CUBN: variants seen among roughly 807,000 people sequenced by gnomAD.
CUBN encodes 460 kDa receptor.
Under a neutral mutation model 405.3 loss-of-function variants are expected in CUBN, and 282 were observed. The ratio of observed to expected loss-of-function variants is 0.70; its 90% CI spans 0.63 to 0.77. The LOEUF (loss-of-function observed/expected upper bound fraction) is 0.77. CUBN is among the 30% of genes least tolerant of loss of function. The pLI is 0.00. For synonymous variants in CUBN, 1,684 were observed against 1,617.0 expected (o/e 1.04, Z -0.99); for missense variants, 4,514 against 4,475.2 (o/e 1.01, Z -0.25).
At chr10:16,884,696 T>C (rs1327353029) in intron 56 of CUBN, among the ~76,000 whole-genome samples, 1 of 152,206 alleles carries the variant, frequency 6.6e-6, no homozygotes, top group East Asian at 1.9e-4. Flanking sequence ...TTCAACAATC[T>C]GTATTTTTCC....
chr10:17,009,312 T>A (rs1834112895), intron 28 of CUBN, among the ~76,000 whole-genome samples: 1 of 152,172 alleles, frequency 6.6e-6, no homozygotes, highest in Admixed American at 6.5e-5. Flanking sequence ...TTTGAAATAG[T>A]AAACAGGAAA....
intron 48 of CUBN, among the ~76,000 whole-genome samples, chr10:16,908,532 A>G (rs775783851): frequency 2.6e-5 from 4 of 152,232 alleles, no homozygotes; most frequent in Non-Finnish European, 4.4e-5. Context: ...CTCATTAGTT[A>G]TGGATTCAAA....
chr10:17,072,083 A>G (rs1257961029), intron 17 of CUBN, 112 bp from the exon 18 acceptor site: 3 of 811,764 alleles, frequency 3.7e-6, no homozygotes, highest in African/African-American at 3.4e-5. Flanking sequence ...TGATAATCCA[A>G]TTTGAGTTAC....
chr10:17,108,703 A>C (rs1836696661), intron 10 of CUBN, among the ~76,000 whole-genome samples: 1 of 152,166 alleles, frequency 6.6e-6, no homozygotes, highest in Non-Finnish European at 1.5e-5. Context: ...CATGACTGTG[A>C]AGGGAGAAAT....
chr10:17,084,496 A>T (rs1352054085), intron 16 of CUBN, 35 bp from the exon 17 acceptor site: 1 of 1,590,574 alleles, frequency 6.3e-7, no homozygotes, highest in East Asian at 2.2e-5. Context: ...GGTCATGGCA[A>T]TGGCATTGCT....
chr10:17,056,663 A>T (rs1835404012), intron 22 of CUBN, among the ~76,000 whole-genome samples: 2 of 152,082 alleles, frequency 1.3e-5, no homozygotes, highest in African/African-American at 4.8e-5. Flanking sequence ...TAACTTCGGT[A>T]GTGAAATATT....
chr10:17,081,923 T>A (rs1372115076), intron 17 of CUBN, among the ~76,000 whole-genome samples: 1 of 152,024 alleles, frequency 6.6e-6, no homozygotes, highest in Non-Finnish European at 1.5e-5. Context: ...TATCTATTAA[T>A]ATTTAAATCA....
chr10:16,918,795 G>A lies in CUBN; in HGVS notation c.6827C>T (p.Thr2276Ile). The A allele has an allele frequency of 6.2e-7, 1 of 1,613,568 alleles. No individual in the cohort carries two copies. The highest frequency in any genetic ancestry group is 8.5e-7 in the Non-Finnish European group (1 of 1,179,690). The change falls in exon 45 of 67, where the codon ACT (threonine) becomes ATT (isoleucine). Residue 2276 changes from threonine (T) to isoleucine (I), a missense_variant. This residue lies in a region of CUBN where 1,613 missense variants were observed against 1,542.8 expected (regional missense o/e 1.05). Transcript: ENST00000377833. Reference sequence around the variant, plus strand: ...ATCCCGCAACTCAAGGTAGTTGGAAGTACAGCTGAAGTGGGAACAAAATTC... The same window carrying A: ...ATCCCGCAACTCAAGGTAGTTGGAAATACAGCTGAAGTGGGAACAAAATTC... Reference protein sequence around the residue: ...RFDIEVTPNCTSNYLELRDGV... With the variant: ...RFDIEVTPNCISNYLELRDGV...
chr10:17,044,881 T>C, intron 25 of CUBN, 126 bp downstream of exon 25: 1 of 1,010,080 alleles, frequency 9.9e-7, no homozygotes, highest in African/African-American at 1.6e-5. Context: ...TTTATTTTGT[T>C]TGAATTTTTA....
intron 57 of CUBN, among the ~76,000 whole-genome samples, chr10:16,876,589 G>A (rs1003605040): frequency 1.3e-5 from 2 of 152,020 alleles, no homozygotes; most frequent in African/African-American, 2.4e-5. Flanking sequence ...GGACCAACAG[G>A]CAACTTTGTG....
chr10:17,001,280 T>C (rs574049884), intron 28 of CUBN, among the ~76,000 whole-genome samples: 1 of 152,212 alleles, frequency 6.6e-6, no homozygotes, highest in Non-Finnish European at 1.5e-5. Flanking sequence ...TTCCACAGCG[T>C]GCAGGGCAAC....
chr10:16,872,549 A>G (rs1840390521), intron 58 of CUBN, among the ~76,000 whole-genome samples: 1 of 152,130 alleles, frequency 6.6e-6, no homozygotes, highest in South Asian at 2.1e-4. Context: ...TTAGTGTTTT[A>G]TAAGAGGCCC....
intron 27 of CUBN, among the ~76,000 whole-genome samples, chr10:17,026,637 A>C (rs989542658): frequency 6.8e-6 from 1 of 147,520 alleles, no homozygotes; most frequent in Non-Finnish European, 1.5e-5. Context: ...CTCTCAAAAA[A>C]AAAAATAAAT....
chr10:17,100,346 G>T, intron 13 of CUBN, 107 bp from the exon 14 acceptor site: 1 of 739,406 alleles, frequency 1.4e-6, no homozygotes. Flanking sequence ...TCAAGAGCTA[G>T]ACCTATCATT....
intron 39 of CUBN, among the ~76,000 whole-genome samples, chr10:16,934,807 G>A (rs371698448): frequency 3.3e-5 from 5 of 152,118 alleles, no homozygotes; most frequent in Non-Finnish European, 5.9e-5. Context: ...AGGCAATATC[G>A]CAGACAATGG....
chr10:16,962,935 T>A (rs1443286031), intron 31 of CUBN, among the ~76,000 whole-genome samples: 1 of 152,102 alleles, frequency 6.6e-6, no homozygotes, highest in Non-Finnish European at 1.5e-5. Flanking sequence ...GAACAAAGGC[T>A]TCCGAAGAAT....
In CUBN at chr10:16,831,247, C is replaced by T. The variant is rs1838981071; in HGVS notation, c.10528+5G>A. ...GCTTTCCTGTACAAAGTGCAAATGT[C>T]TTACCAGAGGGTGATGAAGTCCAGA... On this transcript the variant is annotated splice_donor_5th_base_variant and intron_variant, in intron 65 of 66. Transcript: ENST00000377833. 3 of 1,613,832 alleles carry T rather than the reference C, an allele frequency of 1.9e-6. No homozygotes were observed. The Admixed American group carries it at 5.0e-5, about 27-fold the overall frequency.
chr10:16,930,922 G>A (rs1182078391), intron 40 of CUBN, among the ~76,000 whole-genome samples: 1 of 152,144 alleles, frequency 6.6e-6, no homozygotes, highest in Non-Finnish European at 1.5e-5. Context: ...AGAAGCAAAA[G>A]GCTGGCTGGG....
At position 17,043,775 on chromosome 10, in the gene CUBN, T is replaced by G; in HGVS notation, c.3829+52A>C. The G allele has an allele frequency of 8.1e-6, 13 of 1,607,782 alleles. No individual in the cohort carries two copies. In the South Asian group the frequency reaches 1.4e-4, roughly 18 times the overall value. On this transcript the variant is annotated intron_variant, in intron 26 of 66. Coordinates refer to ENST00000377833, the MANE Select transcript of CUBN (RefSeq NM_001081.4). ...GTATTCACACTTACTCTGCTGGTAT[T>G]CACACTTACTCTGCCAGTATACACA... is the stretch of plus-strand genomic sequence containing the variant.
Sources: gnomAD v4.1 joint callset for allele counts (sites outside exome capture counted in the v4.1 genomes callset) on GRCh38, gnomAD v4.1.1 for gene constraint, gnomAD v4.1.1 regional missense constraint, MANE v1.5 for transcripts, NCBI Gene and HGNC (gene_info 2026-07-23, HGNC 2026-07-21) for gene names.